Variants in DAB1 observed in about 807,000 individuals in gnomAD.
DAB1 encodes DAB adaptor protein 1, also known as disabled homolog 1.
Under a neutral mutation model 64.6 loss-of-function variants are expected in DAB1, and 15 were observed. That is an observed-to-expected ratio of 0.23 (90% CI 0.16 to 0.36). The LOEUF (loss-of-function observed/expected upper bound fraction) is 0.36, where lower values mean the gene tolerates loss of function less well. DAB1 is among the 10% of genes least tolerant of loss of function. The probability of loss-of-function intolerance (pLI) is 1.00; values close to 1 mark genes in which losing one functional copy is unlikely to be tolerated. For missense variants in DAB1, 596 were observed against 706.7 expected (o/e 0.84, Z 1.78); for synonymous variants, 235 against 251.9 (o/e 0.93, Z 0.64).
At chr1:57,254,645 T>C (rs551730921) in intron 2 of DAB1, among the ~76,000 whole-genome samples, 1 of 152,288 alleles carries the variant, frequency 6.6e-6, no homozygotes, top group East Asian at 1.9e-4. Flanking sequence ...AACACTCCAC[T>C]CATCATGTTG....
chr1:58,479,094 A>G (rs977573200), intron 3 of DAB1, among the ~76,000 whole-genome samples: 2 of 152,220 alleles, frequency 1.3e-5, no homozygotes, highest in African/African-American at 4.8e-5. Flanking sequence ...GTCAACTTAT[A>G]TATGTTTCTA....
chr1:58,354,640 A>T lies in DAB1; in HGVS notation n.258-11237T>A, dbSNP rs562042089. Among the ~76,000 whole-genome samples, 3 of 152,290 alleles carry T rather than the reference A, an allele frequency of 2.0e-5. No homozygotes were observed. The East Asian group carries it at 5.8e-4, about 29-fold the overall frequency. ...GAGAGGGTGGATTCAGCCTGCATTT[A>T]TAATCTAGGAGGACACAGAGGAGGA... On this transcript the variant is annotated intron_variant and non_coding_transcript_variant, in intron 3 of 20. Coordinates refer to the DAB1 transcript ENST00000485760.
At chr1:57,686,833 T>G (rs761884532) in intron 6 of DAB1, among the ~76,000 whole-genome samples, 2 of 152,166 alleles carry the variant, frequency 1.3e-5, no homozygotes, top group Middle Eastern at 3.2e-3. Context: ...AAAAAGCTCT[T>G]GATAGAATCC....
At chr1:57,731,710 CA>C (rs1647430607) in intron 6 of DAB1, among the ~76,000 whole-genome samples, 1 of 151,806 alleles carries the variant, frequency 6.6e-6, no homozygotes, top group Non-Finnish European at 1.5e-5. Context: ...GAGGCTGAGG[CA>C]TGAGAATCGC....
At chr1:57,934,720 G>C (rs945846826) in intron 5 of DAB1, among the ~76,000 whole-genome samples, 2 of 152,124 alleles carry the variant, frequency 1.3e-5, no homozygotes, top group Non-Finnish European at 2.9e-5. Flanking sequence ...CTAACTCTGA[G>C]GCTCGTATTC....
At chr1:57,581,663 C>T (rs1013628289) in intron 7 of DAB1, among the ~76,000 whole-genome samples, 5 of 149,142 alleles carry the variant, frequency 3.4e-5, no homozygotes, top group African/African-American at 1.2e-4. Context: ...ATAATATGGT[C>T]CTATATACCA....
At chr1:57,090,587 C>T (rs1653561874) in intron 4 of DAB1, among the ~76,000 whole-genome samples, 1 of 152,178 alleles carries the variant, frequency 6.6e-6, no homozygotes, top group Non-Finnish European at 1.5e-5. Context: ...GAGAAAGACA[C>T]TGAGGTTCAA....
chr1:57,388,203 AC>A (rs1682047030), intron 1 of DAB1, among the ~76,000 whole-genome samples: 1 of 152,232 alleles, frequency 6.6e-6, no homozygotes, highest in Non-Finnish European at 1.5e-5. Context: ...TCAAGATCAT[AC>A]ATCTTTCAAC....
chr1:58,169,532 C>T (rs1557680306), intron 4 of DAB1, among the ~76,000 whole-genome samples: 1 of 152,130 alleles, frequency 6.6e-6, no homozygotes, highest in South Asian at 2.1e-4. Flanking sequence ...GAAAAAAAGC[C>T]ATCTGAGGGA....
chr1:58,149,242 T>C (rs1014204138), intron 5 of DAB1, among the ~76,000 whole-genome samples: 4 of 152,164 alleles, frequency 2.6e-5, no homozygotes, highest in African/African-American at 9.7e-5. Flanking sequence ...AAAATTCTCT[T>C]GTTCTAGTGA....
chr1:57,543,253 G>A (rs1644822916), intron 7 of DAB1, among the ~76,000 whole-genome samples: 1 of 152,162 alleles, frequency 6.6e-6, no homozygotes, highest in Non-Finnish European at 1.5e-5. Context: ...AGATGAAATG[G>A]TTTAGGCAGA....
At chr1:57,296,949 A>G (rs1673240926) in intron 1 of DAB1, among the ~76,000 whole-genome samples, 1 of 152,206 alleles carries the variant, frequency 6.6e-6, no homozygotes, top group Non-Finnish European at 1.5e-5. Context: ...ATCAGTTCCA[A>G]GGGAAACTTT....
At chr1:57,059,390 C>T (rs1650152963) in intron 9 of DAB1, among the ~76,000 whole-genome samples, 1 of 152,148 alleles carries the variant, frequency 6.6e-6, no homozygotes, top group African/African-American at 2.4e-5. Flanking sequence ...CCTAGAGTAA[C>T]AGGCCACTGG....
intron 6 of DAB1, among the ~76,000 whole-genome samples, chr1:57,743,900 T>C (rs1290700280): frequency 6.6e-6 from 1 of 152,238 alleles, no homozygotes; most frequent in Non-Finnish European, 1.5e-5. Context: ...TTATGGGAAA[T>C]GAAGGGATGG....
intron 1 of DAB1, among the ~76,000 whole-genome samples, chr1:57,347,701 C>T (rs998810979): frequency 6.6e-6 from 1 of 152,132 alleles, no homozygotes; most frequent in Non-Finnish European, 1.5e-5. Context: ...CTAAATTCTG[C>T]TAATTATCAG....
chr1:58,177,432 G>GA (rs889034659), intron 4 of DAB1, among the ~76,000 whole-genome samples: 2 of 151,354 alleles, frequency 1.3e-5, no homozygotes, highest in African/African-American at 4.8e-5. Context: ...TCAGATGAAA[G>GA]AAAAAAAATA....
intron 5 of DAB1, among the ~76,000 whole-genome samples, chr1:57,909,359 T>G (rs1557550022): frequency 6.6e-6 from 1 of 152,198 alleles, no homozygotes; most frequent in African/African-American, 2.4e-5. Flanking sequence ...GTGAAAAACT[T>G]AGTGAAATAA....
intron 7 of DAB1, among the ~76,000 whole-genome samples, chr1:57,586,942 C>T (rs1246624462): frequency 6.6e-6 from 1 of 152,004 alleles, no homozygotes; most frequent in African/African-American, 2.4e-5. Context: ...GTGGTAAATT[C>T]TGGGGACAAA....
intron 2 of DAB1, among the ~76,000 whole-genome samples, chr1:58,522,101 A>C (rs1646274037): frequency 6.6e-6 from 1 of 152,222 alleles, no homozygotes; most frequent in Non-Finnish European, 1.5e-5. Flanking sequence ...TTTAAAAAAA[A>C]TTAATGTAAT....
Sources: gnomAD v4.1 joint callset for allele counts (sites outside exome capture counted in the v4.1 genomes callset) on GRCh38, gnomAD v4.1.1 for gene constraint, MANE v1.5 for transcripts, NCBI Gene and HGNC (gene_info 2026-07-23, HGNC 2026-07-21) for gene names.